TPGS2: variants seen among roughly 807,000 people sequenced by gnomAD.
TPGS2 encodes tubulin polyglutamylase complex subunit 2, also known as polyglutamylase subunit 2.
In TPGS2, 26 loss-of-function variants were observed where a neutral mutation model predicts 31.1. The observed-to-expected ratio is 0.84, with a 90% CI of 0.61 to 1.16. The LOEUF is 1.16. Ranked by LOEUF, TPGS2 falls within the 50% of genes most tolerant of loss-of-function variation. TPGS2 has a pLI of 0.00. For missense variants in TPGS2, 351 were observed against 363.8 expected (o/e 0.96, Z 0.29); for synonymous variants, 130 against 136.6 (o/e 0.95, Z 0.34).
chr18:36,818,601 AAC>A (rs2045763548), intron 2 of TPGS2: 1 of 302,986 alleles, frequency 3.3e-6, no homozygotes, highest in African/African-American at 2.1e-5. Flanking sequence ...GACACTTATT[AAC>A]ACATATCCTT....
chr18:36,805,258 A>G, intron 4 of TPGS2, 116 bp downstream of exon 4: 1 of 1,204,378 alleles, frequency 8.3e-7, no homozygotes, highest in Non-Finnish European at 1.2e-6. Flanking sequence ...TGAAATGTTG[A>G]GTGAGGTTTA....
chr18:36,780,102 C>G (rs978963677), downstream of TPGS2: 19 of 1,227,876 alleles, frequency 1.5e-5, no homozygotes, highest in East Asian at 3.2e-5. Flanking sequence ...TTAAACAGTT[C>G]CACAGGCTCG....
chr18:36,786,821 C>A lies in TPGS2; in HGVS notation c.658-3690G>T, dbSNP rs546464904. On this transcript the variant is annotated intron_variant, in intron 6 of 6. Transcript: ENST00000587129. ...TGGTTGGAGAGTTTTATTTGTAGTT[C>A]TCAGAAGCAACACCTAACAGTGAAA... 4.1e-6 allele frequency: 5 copies of A among 1,234,318 alleles called. No homozygotes were observed. In the African/African-American group the frequency reaches 6.2e-5, roughly 15 times the overall value. The allele number at this position is 1,234,318 out of a possible 1,614,324, so 76.5% of individuals were successfully genotyped here.
intron 1 of TPGS2, among the ~76,000 whole-genome samples, chr18:36,819,720 G>C (rs965549298): frequency 6.6e-6 from 1 of 152,144 alleles, no homozygotes; most frequent in Non-Finnish European, 1.5e-5. Flanking sequence ...TGTCATAAAA[G>C]CTGTTATGAC....
chr18:36,795,654 G>T lies in TPGS2; in HGVS notation c.*1151C>A, dbSNP rs1397779282. On this transcript the variant is annotated 3_prime_UTR_variant, in exon 7 of 7. Transcript: ENST00000334295. ...AGTAGGTATGTCAGATTTATCTTGT[G>T]TCAAATATTAAGCATATGTGGGCTA... is the stretch of plus-strand genomic sequence containing the variant. 1 of 985,336 alleles carries T rather than the reference G, an allele frequency of 1.0e-6. No homozygotes were observed. Among genetic ancestry groups the T allele is most frequent in the Admixed American group, 6.1e-5 (1 of 16,268 alleles). 61.0% of individuals were successfully genotyped at this position (985,336 alleles called of 1,614,324 possible).
chr18:36,783,664 TG>T (rs1348568417), intron 6 of TPGS2, among the ~76,000 whole-genome samples: 3 of 152,226 alleles, frequency 2.0e-5, no homozygotes, highest in African/African-American at 7.2e-5. Flanking sequence ...TCCAGGCTCC[TG>T]GTCTGTGAGT....
intron 2 of TPGS2, among the ~76,000 whole-genome samples, chr18:36,813,552 T>G (rs2045522617): frequency 6.6e-6 from 1 of 152,182 alleles, no homozygotes. Context: ...ACACATGCAT[T>G]TCAGTACTTT....
At chr18:36,800,693 C>CT (rs143440654) in intron 4 of TPGS2, among the ~76,000 whole-genome samples, 18,826 of 143,290 alleles carry the variant, frequency 0.13, 1,482 homozygotes, top group East Asian at 0.21. Flanking sequence ...ATCTTTCTTT[C>CT]TTTTTTTTTT....
downstream of TPGS2, chr18:36,780,058 A>T (rs780871173): frequency 2.5e-5 from 25 of 997,028 alleles, no homozygotes; most frequent in Non-Finnish European, 3.1e-5. Context: ...TTAATGCCAT[A>T]ATGAGAAACT....
Position 36,818,966 on chromosome 18 carries a change from G to A in TPGS2, c.93C>T (p.Ser31=), listed in dbSNP as rs2045780218. Residue 31 remains serine, a synonymous_variant, in exon 2 of 7, where the codon TCC becomes TCT. Transcript: ENST00000334295. ...TLGITRILES[S]PGVTEVTIIE... ...TGATGGTCACCTCAGTCACACCTGG[G>A]GAAGATTCTGGAAGAGAAAAAAGAG... The A allele has an allele frequency of 6.2e-7, 1 of 1,612,548 alleles. No homozygotes were observed. The highest frequency in any genetic ancestry group is 8.5e-7 in the Non-Finnish European group (1 of 1,179,224).
intron 5 of TPGS2, among the ~76,000 whole-genome samples, chr18:36,798,883 G>A (rs1018987103): frequency 1.3e-5 from 2 of 152,168 alleles, no homozygotes; most frequent in Non-Finnish European, 2.9e-5. Flanking sequence ...GTCCAGTCAG[G>A]CTATCTAGGC....
At chr18:36,785,317 G>A (rs1350620925) in intron 6 of TPGS2, among the ~76,000 whole-genome samples, 2 of 152,050 alleles carry the variant, frequency 1.3e-5, no homozygotes, top group African/African-American at 2.4e-5. Flanking sequence ...TTTCCTGAAC[G>A]CTGAAAATTT....
intron 6 of TPGS2, among the ~76,000 whole-genome samples, chr18:36,784,764 G>T (rs2044091626): frequency 6.6e-6 from 1 of 152,196 alleles, no homozygotes; most frequent in Admixed American, 6.5e-5. Context: ...ACTCTCCAAT[G>T]ACAGAAGATA....
At position 36,796,715 on chromosome 18, in the gene TPGS2, T is replaced by C; in HGVS notation, c.*90A>G. 1 of 1,508,822 alleles carries C rather than the reference T, an allele frequency of 6.6e-7. No homozygotes were observed. The highest frequency in any genetic ancestry group is 2.4e-5 in the East Asian group (1 of 41,612). 93.5% of individuals were successfully genotyped at this position (1,508,822 alleles called of 1,614,324 possible). A position where few individuals can be genotyped will look rare whatever the true frequency, so the allele number is the denominator to read the frequency against. The stretch of plus-strand genomic sequence containing the variant: ...CATTCAACTAGAAAGAGGCCTACGG[T>C]CCACACGCAAAACTGGAGGTCACCC... On this transcript the variant is annotated 3_prime_UTR_variant, in exon 7 of 7. Coordinates refer to ENST00000334295, the MANE Select transcript of TPGS2 (RefSeq NM_015476.4).
chr18:36,783,279 A>C (rs2044057931), intron 6 of TPGS2: 1 of 379,750 alleles, frequency 2.6e-6, no homozygotes, highest in Non-Finnish European at 4.7e-6. Context: ...CAGGATGTTA[A>C]ATTTTTCTAA....
Position 36,805,243 on chromosome 18 carries a change from G to C in TPGS2, c.382+131C>G. ...ATTGTCATGTTCCCTGAATCCTCTT[G>C]ATACTGAAATGTTGAGTGAGGTTTA... is the stretch of plus-strand genomic sequence containing the variant. On this transcript the variant is annotated intron_variant, in intron 4 of 6. Coordinates refer to ENST00000334295, the MANE Select transcript of TPGS2 (RefSeq NM_015476.4). 4.7e-6 allele frequency: 5 copies of C among 1,068,274 alleles called. 1 individual carries two copies. In the South Asian group the frequency reaches 6.2e-5, roughly 13 times the overall value. The allele number at this position is 1,068,274 out of a possible 1,614,324, so 66.2% of individuals were successfully genotyped here.
intron 2 of TPGS2, among the ~76,000 whole-genome samples, chr18:36,816,239 T>G (rs1351879874): frequency 2.0e-5 from 3 of 152,190 alleles, no homozygotes; most frequent in African/African-American, 7.2e-5. Context: ...ACAACTGCAT[T>G]TCCCTAAGTG....
At chr18:36,812,710 C>G (rs916707398) in intron 2 of TPGS2, among the ~76,000 whole-genome samples, 1 of 152,214 alleles carries the variant, frequency 6.6e-6, no homozygotes, top group African/African-American at 2.4e-5. Flanking sequence ...GTCAGAAGCA[C>G]AGGTAAAACA....
chr18:36,823,553 C>A (rs536095354), intron 1 of TPGS2, among the ~76,000 whole-genome samples: 66 of 149,132 alleles, frequency 4.4e-4, no homozygotes, highest in South Asian at 1.1e-3. Flanking sequence ...CTCCGCCTCC[C>A]GGGTTCACGC....
Sources: allele counts gnomAD v4.1 joint callset (sites outside exome capture counted in the v4.1 genomes callset), GRCh38; gene constraint gnomAD v4.1.1; transcripts MANE v1.5; gene names NCBI Gene and HGNC (gene_info 2026-07-23, HGNC 2026-07-21).